RNF10: variants seen among roughly 807,000 people sequenced by gnomAD.
RNF10 encodes ring finger protein 10, also known as E3 ubiquitin-protein ligase RNF10.
Under a neutral mutation model 91.4 loss-of-function variants are expected in RNF10, and 38 were observed. That is an observed-to-expected ratio of 0.42 (90% CI 0.32 to 0.54). The LOEUF is 0.54. Among genes scored for constraint, RNF10 ranks in the 20% least tolerant of loss-of-function variants. RNF10 has a pLI of 0.16. For synonymous variants in RNF10, 364 were observed against 366.3 expected (o/e 0.99, Z 0.07); for missense variants, 945 against 1,012.0 (o/e 0.93, Z 0.90).
At chr12:120,574,428 CAG>C (rs1877098548) in intron 14 of RNF10, 1 of 455,752 alleles carries the variant, frequency 2.2e-6, no homozygotes, top group Non-Finnish European at 4.4e-6. Flanking sequence ...GAAAATTCCT[CAG>C]GGGCATGAGG....
At chr12:120,539,055 A>ACC (rs1871208538) in intron 1 of RNF10, among the ~76,000 whole-genome samples, 5 of 152,156 alleles carry the variant, frequency 3.3e-5, no homozygotes, top group African/African-American at 7.2e-5. Flanking sequence ...CTTGACAGGA[A>ACC]CGCTTTGGAT....
Position 120,566,808 on chromosome 12 carries a change from T to C in RNF10, c.1886-17T>C, listed in dbSNP as rs1875787092. On this transcript the variant is annotated splice_polypyrimidine_tract_variant and intron_variant, in intron 12 of 16. Coordinates refer to ENST00000325954, the MANE Select transcript of RNF10 (RefSeq NM_014868.5). ...AATTCTGTAAATGGGTTTACAAGGG[T>C]TATCTTTCCTTTGCAGACCCAGAAG... 2 of 1,601,908 alleles carry C rather than the reference T, an allele frequency of 1.2e-6. No individual in the cohort carries two copies. Among genetic ancestry groups the C allele is most frequent in the African/African-American group, 2.7e-5 (2 of 73,530 alleles).
intron 1 of RNF10, among the ~76,000 whole-genome samples, chr12:120,540,702 A>G (rs1038937968): frequency 1.5e-4 from 23 of 152,208 alleles, no homozygotes; most frequent in African/African-American, 5.3e-4. Flanking sequence ...ATCACTAATC[A>G]TGATGTGGTC....
chr12:120,575,679 C>G lies in RNF10; in HGVS notation c.2191C>G (p.Pro731Ala). ...AGCAGATGTGTGGCCCAAAACTGCT[C>G]CAAAGAAAGGTGAGGATGGTCCACT... ...AKADVWPKTA[P>A]KKDENSLVPP... Residue 731 changes from proline to alanine, a missense_variant, in exon 15 of 17, where the codon CCA becomes GCA. Physicochemically the swap from Pro to Ala is conservative, Grantham distance 27. Transcript: ENST00000325954. The G allele has an allele frequency of 6.2e-7, 1 of 1,614,134 alleles. No homozygotes were observed. The highest frequency in any genetic ancestry group is 8.5e-7 in the Non-Finnish European group (1 of 1,180,030).
chr12:120,539,504 C>CA, intron 1 of RNF10: 2 of 1,079,066 alleles, frequency 1.9e-6, no homozygotes, highest in Non-Finnish European at 2.5e-6. Flanking sequence ...CATGAATCAG[C>CA]AGCAGAAACT....
At chr12:120,573,824 T>C (rs1033387813) in intron 14 of RNF10, among the ~76,000 whole-genome samples, 3 of 152,184 alleles carry the variant, frequency 2.0e-5, no homozygotes, top group South Asian at 4.1e-4. Context: ...AAGCAGCCTT[T>C]GTGAAACTGG....
At position 120,576,719 on chromosome 12, in the gene RNF10, T is replaced by TC. The variant is rs1326633474; in HGVS notation, c.*58dup. On this transcript the variant is annotated 3_prime_UTR_variant, in exon 17 of 17. Coordinates refer to ENST00000325954, the MANE Select transcript of RNF10 (RefSeq NM_014868.5). ...TCTGGTTTTTGTTTTTGTTTTTTTT[T>TC]CCCCCATGCTTTTGTTTGGCTGCTG... is the stretch of plus-strand genomic sequence containing the variant. The TC allele has an allele frequency of 3.4e-5, 54 of 1,591,912 alleles. No homozygotes were observed. In the East Asian group the frequency reaches 7.8e-4, roughly 23 times the overall value.
intron 1 of RNF10, chr12:120,535,561 C>T (rs1386454064): frequency 6.6e-6 from 1 of 152,090 alleles, no homozygotes; most frequent in African/African-American, 2.4e-5. Context: ...CCCGAGTTTA[C>T]TTACTTGTAA....
rs1300865043 is a variant in RNF10, at chr12:120,554,721, C to T, written c.558C>T (p.Cys186=). Residue 186 remains cysteine, a synonymous_variant, in exon 4 of 17, where the codon TGC becomes TGT. Coordinates refer to ENST00000325954, the MANE Select transcript of RNF10 (RefSeq NM_014868.5). ...FNKELFLQAN[C]QFVVSEDQDY... is the part of the protein sequence containing the mutation. Reference sequence around the variant, plus strand: ...TTCCTGTCTTTCCTATTTCTAGCTGCCAATTTGTGGTGTCTGAAGACCAAG... The same window carrying T: ...TTCCTGTCTTTCCTATTTCTAGCTGTCAATTTGTGGTGTCTGAAGACCAAG... The T allele has an allele frequency of 5.0e-6, 8 of 1,612,422 alleles. No homozygotes were observed. The highest frequency in any genetic ancestry group is 6.8e-6 in the Non-Finnish European group (8 of 1,178,964).
intron 10 of RNF10, among the ~76,000 whole-genome samples, chr12:120,564,862 C>A (rs1274747979): frequency 2.0e-5 from 3 of 152,166 alleles, no homozygotes; most frequent in African/African-American, 7.2e-5. Context: ...GCAGTACAAA[C>A]CAAAAATAAC....
rs1490462728 is a variant in RNF10 at position 120,565,593 on chromosome 12, C to G, written c.1885+64C>G. On this transcript the variant is annotated intron_variant, in intron 12 of 16. Coordinates refer to ENST00000325954, the MANE Select transcript of RNF10 (RefSeq NM_014868.5). ...TACGTCGTTGTATAGAACTCTGTGTCTGGGACCTGGGAGCCAGACCTTAGC... is the reference window on the plus strand; with the variant it reads ...TACGTCGTTGTATAGAACTCTGTGTGTGGGACCTGGGAGCCAGACCTTAGC... The G allele has an allele frequency of 2.2e-6, 3 of 1,391,298 alleles. No individual in the cohort carries two copies. The African/African-American group carries it at 4.3e-5, about 20-fold the overall frequency. 86.2% of individuals were successfully genotyped at this position (1,391,298 alleles called of 1,614,324 possible).
At chr12:120,565,885 C>T (rs1210224356) in intron 12 of RNF10, among the ~76,000 whole-genome samples, 2 of 152,196 alleles carry the variant, frequency 1.3e-5, no homozygotes, top group South Asian at 2.1e-4. Flanking sequence ...ACCAGCTATA[C>T]ACAGCAAGTC....
intron 1 of RNF10, among the ~76,000 whole-genome samples, chr12:120,537,389 G>C (rs1014198928): frequency 7.2e-5 from 11 of 152,200 alleles, no homozygotes; most frequent in African/African-American, 2.4e-4. Flanking sequence ...CACTTTGGGA[G>C]GCCGAGGCAG....
chr12:120,560,161 T>TG (rs1874636809), intron 6 of RNF10, among the ~76,000 whole-genome samples: 2 of 151,092 alleles, frequency 1.3e-5, no homozygotes. Context: ...TTTGTTTTTT[T>TG]TTTTTTTGAG....
In RNF10 at chr12:120,549,763, C is replaced by T. The variant is rs544422582; in HGVS notation, c.355-2736C>T. Among the ~76,000 whole-genome samples, 146 of 152,002 alleles carry T rather than the reference C, an allele frequency of 9.6e-4. 2 individuals carry two copies. The highest frequency in any genetic ancestry group is 1.6e-3 in the Non-Finnish European group (108 of 67,992). On this transcript the variant is annotated intron_variant, in intron 2 of 16. Transcript: ENST00000325954. ...TCGCACCACTGCACTCCAGCTTGGG[C>T]GACAGAGCAAGACTCCATCTCCAAA...
intron 10 of RNF10, 24 bp from the exon 11 acceptor site, chr12:120,565,048 G>A: frequency 1.3e-6 from 2 of 1,527,044 alleles, no homozygotes; most frequent in Non-Finnish European, 1.8e-6. Flanking sequence ...CTTTTGTTGA[G>A]TATTGGTCCT....
At chr12:120,541,100 G>A (rs947210825) in intron 1 of RNF10, among the ~76,000 whole-genome samples, 9 of 152,050 alleles carry the variant, frequency 5.9e-5, no homozygotes, top group Admixed American at 1.3e-4. Flanking sequence ...CAGGTGATCC[G>A]CCCGCCTCGG....
intron 14 of RNF10, chr12:120,575,037 A>T: frequency 6.3e-6 from 1 of 159,574 alleles, no homozygotes; most frequent in Non-Finnish European, 1.4e-5. Flanking sequence ...TCAAGAGTTC[A>T]GGACCAGCCT....
rs1056362482 is a variant in RNF10, at chr12:120,565,479, G to A, written c.1835G>A (p.Arg612His). 3.1e-6 allele frequency: 5 copies of A among 1,614,018 alleles called. No homozygotes were observed. The highest frequency in any genetic ancestry group is 4.2e-6 in the Non-Finnish European group (5 of 1,179,994). The change falls in exon 12 of 17, where the codon CGC (arginine) becomes CAC (histidine). Residue 612 changes from arginine to histidine, a missense_variant. By Grantham distance (29) the Arg-to-His change is conservative. Coordinates refer to ENST00000325954, the MANE Select transcript of RNF10 (RefSeq NM_014868.5). ...RQRQKKAREE[R>H]RRERRIEIEE... ...CGCCAAAAGAAGGCTCGGGAGGAAC[G>A]CCGCCGAGAGCGCAGGATTGAGATA...
Sources: allele counts gnomAD v4.1 joint callset (sites outside exome capture counted in the v4.1 genomes callset), GRCh38; gene constraint gnomAD v4.1.1; transcripts MANE v1.5; gene names NCBI Gene and HGNC (gene_info 2026-07-23, HGNC 2026-07-21).